DEPDC5: variants seen among roughly 807,000 people sequenced by gnomAD.
DEPDC5 encodes GATOR1 complex protein DEPDC5.
Under a neutral mutation model 217.3 loss-of-function variants are expected in DEPDC5, and 73 were observed. That is an observed-to-expected ratio of 0.34 (90% CI 0.28 to 0.41). DEPDC5 has a LOEUF of 0.41. Ranked by LOEUF, DEPDC5 falls within the 10% of genes least tolerant of loss-of-function variation. DEPDC5 has a pLI of 1.00. For synonymous variants in DEPDC5, 733 were observed against 756.7 expected (o/e 0.97, Z 0.51); for missense variants, 1,675 against 2,070.1 (o/e 0.81, Z 3.70).
At chr22:31,877,454 A>AC (rs2093030309) in intron 37 of DEPDC5, among the ~76,000 whole-genome samples, 1 of 143,864 alleles carries the variant, frequency 7.0e-6, no homozygotes, top group South Asian at 2.2e-4. Context: ...AAAAAAAAAA[A>AC]AAAAAAAAAA....
At chr22:31,876,022 A>G in intron 36 of DEPDC5, 135 bp from the exon 37 acceptor site, 3 of 657,362 alleles carry the variant, frequency 4.6e-6, no homozygotes. Flanking sequence ...ATCAAGTACA[A>G]CATGTCTAAT....
chr22:31,784,097 A>G (rs1311010776), intron 9 of DEPDC5, 112 bp downstream of exon 9: 13 of 816,076 alleles, frequency 1.6e-5, no homozygotes, highest in East Asian at 1.0e-4. Context: ...CAAACTTTAA[A>G]TATCATTGTG....
chr22:31,796,972 A>G (rs906561444), intron 12 of DEPDC5, among the ~76,000 whole-genome samples: 5 of 150,462 alleles, frequency 3.3e-5, no homozygotes, highest in Non-Finnish European at 7.4e-5. Flanking sequence ...TGGAATTACA[A>G]GTATGAGCTA....
In DEPDC5 at chr22:31,843,702, A is replaced by C. The variant is rs754142909; in HGVS notation, c.2691A>C (p.Ser897=). The C allele has an allele frequency of 2.7e-5, 44 of 1,614,002 alleles. No homozygotes were observed. Among genetic ancestry groups the C allele is most frequent in the Non-Finnish European group, 3.6e-5 (42 of 1,179,930 alleles). ...CCTACAGCCTCTGTCCTTCCCACTC[A>C]GACTCAGAGTTCGTCTCCTGCTGGG... ...HYTYSLCPSH[S]DSEFVSCWVE... Residue 897 remains serine (S), a synonymous_variant, in exon 29 of 43, where the codon TCA becomes TCC. Transcript: ENST00000651528.
intron 8 of DEPDC5, among the ~76,000 whole-genome samples, chr22:31,780,304 A>G (rs1036910061): frequency 6.6e-6 from 1 of 152,164 alleles, no homozygotes; most frequent in Non-Finnish European, 1.5e-5. Flanking sequence ...GAGTGAAGGA[A>G]AGAGAAGTAC....
At chr22:31,773,991 A>G (rs1034528741) in intron 7 of DEPDC5, among the ~76,000 whole-genome samples, 1 of 151,742 alleles carries the variant, frequency 6.6e-6, no homozygotes, top group African/African-American at 2.4e-5. Context: ...GAATTGCTTG[A>G]ACCTGGGAGG....
intron 3 of DEPDC5, 23 bp from the exon 4 acceptor site, chr22:31,760,631 ACT>A (rs1569508255): frequency 3.7e-6 from 6 of 1,607,778 alleles, no homozygotes; most frequent in Non-Finnish European, 4.2e-6. Context: ...CGGTATCCCA[ACT>A]CTCTTGTTGC....
At chr22:31,844,767 G>A (rs2091623401) in intron 29 of DEPDC5, 2 of 328,298 alleles carry the variant, frequency 6.1e-6, no homozygotes, top group Non-Finnish European at 1.1e-5. Context: ...TGTTCCCCAA[G>A]CTGGTCTCAA....
intron 36 of DEPDC5, among the ~76,000 whole-genome samples, chr22:31,874,694 T>C (rs780906544): frequency 7.9e-5 from 12 of 152,198 alleles, no homozygotes; most frequent in Admixed American, 2.6e-4. Flanking sequence ...TTTGGGGGAA[T>C]GCCCTCCCTC....
chr22:31,758,623 G>A lies in DEPDC5; in HGVS notation c.136G>A (p.Asp46Asn), dbSNP rs956844670. 3.1e-6 allele frequency: 5 copies of A among 1,613,828 alleles called. No homozygotes were observed. Among genetic ancestry groups the A allele is most frequent in the Middle Eastern group, 1.6e-4 (1 of 6,084 alleles). ...GDIVEIAHPNDEYSPLLLQVK... is the reference protein window; with the variant it reads ...GDIVEIAHPNNEYSPLLLQVK... ...CATTGTAGAGATTGCACACCCCAAC[G>A]ATGAATACAGGTGAGTGTCTCATAG... is the stretch of plus-strand genomic sequence containing the variant. The change falls in exon 3 of 43, where the codon GAT becomes AAT. Residue 46 changes from aspartate to asparagine, a missense_variant. Asp to Asn is a conservative substitution (Grantham distance 23, BLOSUM62 1). Around this residue, in one of 11 missense-constraint regions of DEPDC5, gnomAD observed 628 missense variants for 762.1 expected, o/e 0.82. Coordinates refer to ENST00000651528, the MANE Select transcript of DEPDC5 (RefSeq NM_001242896.3).
intron 12 of DEPDC5, among the ~76,000 whole-genome samples, 171 bp from the exon 13 acceptor site, chr22:31,797,429 T>A (rs2086368697): frequency 6.6e-6 from 1 of 151,944 alleles, no homozygotes; most frequent in African/African-American, 2.4e-5. Flanking sequence ...GAGAACTCCC[T>A]CACTATCACA....
chr22:31,889,358 AAC>A (rs1331176062), intron 38 of DEPDC5, among the ~76,000 whole-genome samples: 9 of 152,198 alleles, frequency 5.9e-5, no homozygotes, highest in African/African-American at 2.2e-4. Flanking sequence ...TTCAGCCTGT[AAC>A]CACTTGGTTG....
intron 17 of DEPDC5, 84 bp from the exon 18 acceptor site, chr22:31,806,038 G>T: frequency 1.6e-6 from 2 of 1,216,364 alleles, no homozygotes; most frequent in Non-Finnish European, 2.4e-6. Context: ...CAGGAGGGCT[G>T]ATCCATGCCT....
chr22:31,820,809 C>G (rs1387478292), intron 22 of DEPDC5, among the ~76,000 whole-genome samples: 1 of 152,230 alleles, frequency 6.6e-6, no homozygotes, highest in East Asian at 1.9e-4. Context: ...GCTGGCCTTT[C>G]AGTAGCCAAG....
intron 11 of DEPDC5, among the ~76,000 whole-genome samples, chr22:31,792,460 G>T (rs2085773174): frequency 6.6e-6 from 1 of 151,764 alleles, no homozygotes; most frequent in Non-Finnish European, 1.5e-5. Context: ...ACAAAAATTA[G>T]CCAGGTGTGG....
intron 10 of DEPDC5, among the ~76,000 whole-genome samples, chr22:31,790,802 A>G (rs1481592780): frequency 7.0e-6 from 1 of 143,298 alleles, no homozygotes; most frequent in Non-Finnish European, 1.5e-5. Flanking sequence ...GCTGGAGTGC[A>G]ATGGCACAGT....
chr22:31,810,246 A>G (rs1286069495), intron 19 of DEPDC5, among the ~76,000 whole-genome samples: 7 of 152,184 alleles, frequency 4.6e-5, no homozygotes, highest in Non-Finnish European at 1.0e-4. Context: ...AAAGGATGAA[A>G]TGCTACCCAC....
intron 33 of DEPDC5, among the ~76,000 whole-genome samples, chr22:31,861,960 C>T (rs113740200): frequency 1.3e-4 from 20 of 152,314 alleles, no homozygotes; most frequent in African/African-American, 4.1e-4. Flanking sequence ...TTGGATGAGC[C>T]GGGTGCGGTG....
At chr22:31,837,304 A>G (rs2091080171) in intron 26 of DEPDC5, 149 bp downstream of exon 26, 1 of 770,240 alleles carries the variant, frequency 1.3e-6, no homozygotes, top group Non-Finnish European at 1.9e-6. Flanking sequence ...TGGCCGTTAA[A>G]TAAAAAATTT....
Sources: allele counts gnomAD v4.1 joint callset (sites outside exome capture counted in the v4.1 genomes callset), GRCh38; gene constraint gnomAD v4.1.1; regional missense constraint gnomAD v4.1.1; transcripts MANE v1.5; gene names NCBI Gene and HGNC (gene_info 2026-07-23, HGNC 2026-07-21).